The following HMCN1 variants were observed in gnomAD, a reference collection of about 807,000 sequenced individuals.
The protein encoded by HMCN1 is hemicentin-1.
In HMCN1, 321 loss-of-function variants were observed where a neutral mutation model predicts 625.9. The ratio of observed to expected loss-of-function variants is 0.51; its 90% CI spans 0.47 to 0.56. The LOEUF is 0.56. Ranked by LOEUF, HMCN1 falls within the 20% of genes least tolerant of loss-of-function variation. The pLI is 0.00. For synonymous variants in HMCN1, 2,425 were observed against 2,417.6 expected, an observed-to-expected ratio of 1.00 and a Z score of -0.09; for missense variants, 6,588 against 6,887.3, an observed-to-expected ratio of 0.96 and a Z score of 1.54.
rs750304912 is a variant in HMCN1, at chr1:186,171,965, A to G, written c.15689-41A>G. The G allele has an allele frequency of 1.2e-5, 19 of 1,595,738 alleles. 2 individuals are homozygous for G. In the East Asian group the frequency reaches 4.3e-4, roughly 36 times the overall value. On this transcript the variant is annotated intron_variant, in intron 101 of 106. Coordinates refer to ENST00000271588, the MANE Select transcript of HMCN1 (RefSeq NM_031935.3). ...TGATTTCTCTGGAAAAGTTGAATAAATAATTTTCTTAATCTACATTACCTT... is the reference window on the plus strand; with the variant it reads ...TGATTTCTCTGGAAAAGTTGAATAAGTAATTTTCTTAATCTACATTACCTT...
At chr1:185,971,409 G>T (rs1650820639) in intron 15 of HMCN1, among the ~76,000 whole-genome samples, 1 of 152,184 alleles carries the variant, frequency 6.6e-6, no homozygotes, top group African/African-American at 2.4e-5. Context: ...TCTACCTCAT[G>T]TCTCTTCACA....
At chr1:185,851,734 T>C (rs1374667983) in intron 2 of HMCN1, among the ~76,000 whole-genome samples, 1 of 152,046 alleles carries the variant, frequency 6.6e-6, no homozygotes. Context: ...GTGATATGCT[T>C]TCAAGCCTTT....
chr1:186,093,084 G>A (rs371886252), intron 64 of HMCN1, 50 bp from the exon 65 acceptor site: 43 of 1,611,190 alleles, frequency 2.7e-5, no homozygotes, highest in South Asian at 2.5e-4. Flanking sequence ...TGTACTTAGT[G>A]AAATAGATTC....
chr1:185,761,468 C>A (rs539899166), intron 1 of HMCN1, among the ~76,000 whole-genome samples: 3 of 152,260 alleles, frequency 2.0e-5, no homozygotes, highest in African/African-American at 7.2e-5. Context: ...TCCCCATGAG[C>A]CTGTTAACTT....
chr1:185,811,282 C>T (rs922883595), intron 1 of HMCN1, among the ~76,000 whole-genome samples: 9 of 152,144 alleles, frequency 5.9e-5, no homozygotes, highest in Non-Finnish European at 8.8e-5. Context: ...GCCCTGCCCT[C>T]CACTGTGCTC....
chr1:185,766,852 G>A (rs961078526), intron 1 of HMCN1, among the ~76,000 whole-genome samples: 2 of 151,786 alleles, frequency 1.3e-5, no homozygotes, highest in African/African-American at 4.8e-5. Flanking sequence ...ACCAACCACC[G>A]AAATAGAACC....
At chr1:185,901,848 T>C (rs1665824619) in intron 4 of HMCN1, among the ~76,000 whole-genome samples, 1 of 151,810 alleles carries the variant, frequency 6.6e-6, no homozygotes, top group Non-Finnish European at 1.5e-5. Context: ...AATTGTTCTT[T>C]GAAATGAGGT....
At chr1:186,089,416 A>G (rs538268942) in intron 63 of HMCN1, among the ~76,000 whole-genome samples, 1 of 152,112 alleles carries the variant, frequency 6.6e-6, no homozygotes, top group South Asian at 2.1e-4. Flanking sequence ...CTCATAAATT[A>G]TGAATTCTAC....
chr1:186,095,613 G>A, intron 68 of HMCN1, 92 bp downstream of exon 68: 2 of 1,383,932 alleles, frequency 1.4e-6, no homozygotes, highest in Admixed American at 2.3e-5. Context: ...ATCAGTTGCT[G>A]TGAGAGAATT....
chr1:186,084,117 T>C (rs990216166), intron 57 of HMCN1, among the ~76,000 whole-genome samples: 2 of 152,122 alleles, frequency 1.3e-5, no homozygotes, highest in African/African-American at 4.8e-5. Flanking sequence ...TTGTAGCAGT[T>C]CCATATGTTG....
intron 1 of HMCN1, among the ~76,000 whole-genome samples, chr1:185,738,051 G>A (rs552294623): frequency 3.7e-4 from 57 of 152,258 alleles, no homozygotes; most frequent in Non-Finnish European, 6.2e-4. Context: ...GTCATGGAAA[G>A]GCGAGCCAAC....
At chr1:185,956,900 G>A (rs899428812) in intron 11 of HMCN1, among the ~76,000 whole-genome samples, 1 of 152,202 alleles carries the variant, frequency 6.6e-6, no homozygotes, top group Non-Finnish European at 1.5e-5. Context: ...GTCAGGAAAT[G>A]GGACAAAGAC....
chr1:186,008,822 T>C (rs1474563160), intron 30 of HMCN1, among the ~76,000 whole-genome samples: 1 of 152,204 alleles, frequency 6.6e-6, no homozygotes, highest in Non-Finnish European at 1.5e-5. Flanking sequence ...TCTTAAAACT[T>C]AATGTACATA....
intron 100 of HMCN1, among the ~76,000 whole-genome samples, chr1:186,168,022 AT>A (rs1175466651): frequency 6.6e-6 from 1 of 152,068 alleles, no homozygotes; most frequent in Non-Finnish European, 1.5e-5. Flanking sequence ...CCCATGAACC[AT>A]TGTGCATCCA....
chr1:186,053,866 T>C lies in HMCN1; in HGVS notation c.6742T>C (p.Leu2248=), dbSNP rs1186350545. The C allele has an allele frequency of 2.5e-6, 4 of 1,612,728 alleles. No homozygotes were observed. The highest frequency in any genetic ancestry group is 2.2e-5 in the South Asian group (2 of 91,068). The change falls in exon 44 of 107, where the codon TTA becomes CTA. Residue 2248 remains leucine, a synonymous_variant. Transcript: ENST00000271588. ...TGATTCCATGGGGCGAGTTAGAATTTTATCTGGGGGCAGGCAATTACAAAT... is the reference window on the plus strand; with the variant it reads ...TGATTCCATGGGGCGAGTTAGAATTCTATCTGGGGGCAGGCAATTACAAAT... ...LTDSMGRVRI[L]SGGRQLQISI...
intron 1 of HMCN1, among the ~76,000 whole-genome samples, chr1:185,754,061 G>A (rs1654983179): frequency 6.6e-6 from 1 of 152,182 alleles, no homozygotes; most frequent in Non-Finnish European, 1.5e-5. Flanking sequence ...TGTGGTATAT[G>A]TGCGCTATGA....
chr1:185,937,234 A>G (rs2102503037), intron 11 of HMCN1, among the ~76,000 whole-genome samples: 1 of 152,318 alleles, frequency 6.6e-6, no homozygotes, highest in East Asian at 1.9e-4. Context: ...TTTTGCCACC[A>G]TAACAGAATA....
intron 11 of HMCN1, among the ~76,000 whole-genome samples, chr1:185,937,225 T>A (rs986418211): frequency 6.6e-6 from 1 of 152,210 alleles, no homozygotes; most frequent in East Asian, 1.9e-4. Context: ...TAGTCTGTTT[T>A]TTGCCACCAT....
chr1:185,741,753 G>A (rs1040076608), intron 1 of HMCN1, among the ~76,000 whole-genome samples: 1 of 152,230 alleles, frequency 6.6e-6, no homozygotes, highest in Non-Finnish European at 1.5e-5. Flanking sequence ...GTTTAGCAAT[G>A]TGGAAGTCAT....
Sources: allele counts gnomAD v4.1 joint callset (sites outside exome capture counted in the v4.1 genomes callset), GRCh38; gene constraint gnomAD v4.1.1; transcripts MANE v1.5; gene names NCBI Gene and HGNC (gene_info 2026-07-23, HGNC 2026-07-21).